UGT1A9: variants seen among roughly 807,000 people sequenced by gnomAD.
UGT1A9 encodes UDP glucuronosyltransferase family 1 member A9.
UGT1A9 carries 35 observed loss-of-function variants against 45.0 expected under a neutral mutation model. That is an observed-to-expected ratio of 0.78 (90% CI 0.59 to 1.03). The LOEUF is 1.03. Among genes scored for constraint, UGT1A9 ranks in the 50% least tolerant of loss-of-function variants. The pLI is 0.00. For synonymous variants in UGT1A9, 278 were observed against 250.6 expected, an observed-to-expected ratio of 1.11 and a Z score of -1.03; for missense variants, 687 against 666.6, an observed-to-expected ratio of 1.03 and a Z score of -0.34.
At chr2:233,729,023 T>C (rs2125738984) in intron 1 of UGT1A9, 1 of 1,595,674 alleles carries the variant, frequency 6.3e-7, no homozygotes, top group Non-Finnish European at 8.5e-7. Context: ...CAATTACACG[T>C]TGATTTGCTA....
intron 1 of UGT1A9, among the ~76,000 whole-genome samples, chr2:233,757,151 G>T (rs1696421194): frequency 6.6e-6 from 1 of 151,298 alleles, no homozygotes; most frequent in African/African-American, 2.4e-5. Flanking sequence ...GGTGGGCTGG[G>T]GTCTATCCCA....
intron 1 of UGT1A9, among the ~76,000 whole-genome samples, chr2:233,736,717 T>A (rs954698353): frequency 4.0e-5 from 6 of 151,034 alleles, no homozygotes; most frequent in Non-Finnish European, 3.0e-5. Flanking sequence ...GATGTCCTTT[T>A]TGTTGATGTT....
Position 233,700,950 on chromosome 2 carries a change from A to G in UGT1A9, c.855+28161A>G, listed in dbSNP as rs146993694. The stretch of plus-strand genomic sequence containing the variant: ...GTGTGTGATTGTTCAATTCCCACCT[A>G]TGAGTGAGAACATGCGGTGTTTGAT... On this transcript the variant is annotated intron_variant, in intron 1 of 4. Coordinates refer to ENST00000354728, the MANE Select transcript of UGT1A9 (RefSeq NM_021027.3). Among the ~76,000 whole-genome samples, 245 of 151,526 alleles carry G rather than the reference A, an allele frequency of 1.6e-3. 4 individuals are homozygous for G. The East Asian group carries it at 0.036, about 22-fold the overall frequency.
intron 1 of UGT1A9, among the ~76,000 whole-genome samples, chr2:233,735,070 G>A (rs572214554): frequency 1.3e-5 from 2 of 152,256 alleles, no homozygotes; most frequent in East Asian, 1.9e-4. Context: ...GGATATCCTT[G>A]TTAACCTTTG....
rs1700559887 is a variant in UGT1A9, at chr2:233,772,963, A to G, written c.*404A>G. On this transcript the variant is annotated 3_prime_UTR_variant, in exon 5 of 5. Coordinates refer to ENST00000354728, the MANE Select transcript of UGT1A9 (RefSeq NM_021027.3). ...TGGCTTCTGCAGATGGTTGCAATTG[A>G]TCCTTAACCAATAATGGTCAGTCCT... 3.2e-6 allele frequency: 1 copy of G among 310,458 alleles called. No homozygotes were observed. Among genetic ancestry groups the G allele is most frequent in the South Asian group, 3.3e-5 (1 of 30,404 alleles). 19.2% of individuals were successfully genotyped at this position (310,458 alleles called of 1,614,324 possible).
chr2:233,705,347 A>G (rs1229673508), intron 1 of UGT1A9, among the ~76,000 whole-genome samples: 4 of 152,194 alleles, frequency 2.6e-5, no homozygotes, highest in African/African-American at 9.6e-5. Flanking sequence ...TTTTTGTCTT[A>G]TTACATGGGG....
chr2:233,766,270 CGG>C (rs1699091284), intron 1 of UGT1A9, among the ~76,000 whole-genome samples: 2 of 67,854 alleles, frequency 2.9e-5, no homozygotes, highest in Non-Finnish European at 5.8e-5. Flanking sequence ...GGCCCGGGCT[CGG>C]TGGCCCGGGC....
intron 1 of UGT1A9, among the ~76,000 whole-genome samples, chr2:233,734,862 C>T (rs1280168224): frequency 6.6e-6 from 1 of 152,224 alleles, no homozygotes; most frequent in Admixed American, 6.5e-5. Flanking sequence ...AATTTGACTG[C>T]ACTATGGTCT....
chr2:233,729,418 C>CG, intron 1 of UGT1A9: 1 of 1,613,756 alleles, frequency 6.2e-7, no homozygotes, highest in South Asian at 1.1e-5. Flanking sequence ...GGGCCACACT[C>CG]AACTGTACTT....
chr2:233,749,588 C>G (rs932170958), intron 1 of UGT1A9, among the ~76,000 whole-genome samples: 1 of 151,804 alleles, frequency 6.6e-6, no homozygotes, highest in African/African-American at 2.4e-5. Context: ...TCTGTCTCAA[C>G]ATGAAGTCAC....
chr2:233,683,277 A>G (rs1244231884), intron 1 of UGT1A9, among the ~76,000 whole-genome samples: 1 of 152,152 alleles, frequency 6.6e-6, no homozygotes, highest in Non-Finnish European at 1.5e-5. Context: ...TCTTGTCAAT[A>G]AGTTAAAGAT....
At chr2:233,743,446 AAAG>A (rs891586644) in intron 1 of UGT1A9, 1 of 1,364,544 alleles carries the variant, frequency 7.3e-7, no homozygotes, top group Non-Finnish European at 9.8e-7. Context: ...TCCTGTATCA[AAAG>A]AAGAAAAAAC....
intron 1 of UGT1A9, chr2:233,718,892 C>T (rs775726544): frequency 6.2e-7 from 1 of 1,614,020 alleles, no homozygotes; most frequent in South Asian, 1.1e-5. Flanking sequence ...GTGTCCAGCC[C>T]TGGGCTGAGA....
At chr2:233,682,696 G>A (rs201654358) in intron 1 of UGT1A9, 1 of 1,613,814 alleles carries the variant, frequency 6.2e-7, no homozygotes, top group Non-Finnish European at 8.5e-7. Flanking sequence ...TTTGGTTGTT[G>A]CGAACTGACT....
chr2:233,728,803 A>T (rs1389677112), intron 1 of UGT1A9, among the ~76,000 whole-genome samples: 1 of 152,188 alleles, frequency 6.6e-6, no homozygotes, highest in Non-Finnish European at 1.5e-5. Flanking sequence ...GAGAAGTAGG[A>T]GACAGTGACA....
chr2:233,683,289 T>C (rs2074626514), intron 1 of UGT1A9, among the ~76,000 whole-genome samples: 1 of 152,164 alleles, frequency 6.6e-6, no homozygotes, highest in South Asian at 2.1e-4. Context: ...GTTAAAGATA[T>C]CTTTACAGGT....
intron 1 of UGT1A9, chr2:233,682,849 T>G: frequency 6.5e-7 from 1 of 1,540,284 alleles, no homozygotes; most frequent in Non-Finnish European, 8.7e-7. Flanking sequence ...AATTAAAAGA[T>G]TTCTTACAGA....
chr2:233,717,800 C>T, intron 1 of UGT1A9: 1 of 456,072 alleles, frequency 2.2e-6, no homozygotes, highest in Non-Finnish European at 4.4e-6. Flanking sequence ...AAGTAGTGCC[C>T]CCACAAATTA....
chr2:233,678,591 T>G (rs1325807860), intron 1 of UGT1A9, among the ~76,000 whole-genome samples: 1 of 152,238 alleles, frequency 6.6e-6, no homozygotes, highest in Non-Finnish European at 1.5e-5. Flanking sequence ...TTGCTTTAGT[T>G]TCAGTGCCCA....
Sources: gnomAD v4.1 joint callset for allele counts (sites outside exome capture counted in the v4.1 genomes callset) on GRCh38, gnomAD v4.1.1 for gene constraint, MANE v1.5 for transcripts, NCBI Gene and HGNC (gene_info 2026-07-23, HGNC 2026-07-21) for gene names.